The following TDRD3 variants were observed in gnomAD, a reference collection of about 807,000 sequenced individuals.
TDRD3 encodes the protein tudor domain containing 3.
TDRD3 carries 45 observed loss-of-function variants against 86.7 expected under a neutral mutation model. The observed-to-expected ratio is 0.52, with a 90% confidence interval of 0.41 to 0.67. TDRD3 has a LOEUF of 0.67. TDRD3 is among the 30% of genes least tolerant of loss of function. The pLI is 0.00. For synonymous variants in TDRD3, 298 were observed against 301.7 expected (o/e 0.99, Z 0.13); for missense variants, 814 against 889.0 (o/e 0.92, Z 1.07).
At chr13:60,558,918 T>A (rs1471028657) in intron 12 of TDRD3, among the ~76,000 whole-genome samples, 1 of 151,892 alleles carries the variant, frequency 6.6e-6, no homozygotes. Context: ...GGCAAGAACC[T>A]TTCTTCTTGC....
intron 10 of TDRD3, among the ~76,000 whole-genome samples, chr13:60,518,239 C>A (rs998783262): frequency 1.3e-5 from 2 of 152,172 alleles, no homozygotes; most frequent in Non-Finnish European, 2.9e-5. Flanking sequence ...TAAGTGCTCC[C>A]AGCCCTGGCC....
intron 6 of TDRD3, chr13:60,484,669 T>C (rs1426683311): frequency 4.5e-6 from 2 of 447,618 alleles, no homozygotes; most frequent in South Asian, 3.2e-5. Flanking sequence ...TAAAAAATAA[T>C]GTTGATTTTT....
intron 11 of TDRD3, among the ~76,000 whole-genome samples, chr13:60,534,137 C>T (rs75281609): frequency 0.05 from 7,539 of 152,044 alleles, 201 homozygotes; most frequent in Non-Finnish European, 0.058. Context: ...CTAGCAATAC[C>T]CTGTCTCTAT....
At chr13:60,473,515 C>T (rs1956114784) in intron 5 of TDRD3, among the ~76,000 whole-genome samples, 1 of 152,042 alleles carries the variant, frequency 6.6e-6, no homozygotes, top group Non-Finnish European at 1.5e-5. Flanking sequence ...CAAACTGTTC[C>T]AGCATAATAA....
chr13:60,488,441 A>G (rs575965241), intron 7 of TDRD3, among the ~76,000 whole-genome samples: 3 of 152,310 alleles, frequency 2.0e-5, no homozygotes, highest in South Asian at 4.1e-4. Flanking sequence ...AAAACTGTCT[A>G]TGGGACTATT....
At chr13:60,480,393 C>T (rs774961944) in intron 5 of TDRD3, among the ~76,000 whole-genome samples, 6 of 152,012 alleles carry the variant, frequency 3.9e-5, no homozygotes, top group Middle Eastern at 3.2e-3. Flanking sequence ...TTTTGTAAGG[C>T]CCCTTTTCTC....
chr13:60,397,268 TTTTC>T lies in TDRD3; in HGVS notation c.-93_-90del, dbSNP rs1202705601. The T allele has an allele frequency of 1.1e-4, 82 of 720,050 alleles. No individual in the cohort carries two copies. The highest frequency in any genetic ancestry group is 3.4e-4 in the South Asian group (13 of 38,048). 44.6% of individuals were successfully genotyped at this position (720,050 alleles called of 1,614,324 possible). Reference sequence around the variant, plus strand: ...CCGACCAGAGGAGTTTTTTCTTTTCTTTTCTTTTTTTTTTTTTAAGGGGGGGGGT... The same window carrying T: ...CCGACCAGAGGAGTTTTTTCTTTTCTTTTTTTTTTTTTTAAGGGGGGGGGT... On this transcript the variant is annotated 5_prime_UTR_variant, in exon 1 of 14. It introduces an in-frame stop codon into an upstream open reading frame of the 5' UTR. Coordinates refer to ENST00000377881, the MANE Select transcript of TDRD3 (RefSeq NM_001146070.2).
In TDRD3 at chr13:60,552,197, T is replaced by C. The variant is rs192901470; in HGVS notation, c.2119-15328T>C. Among the ~76,000 whole-genome samples the C allele has an allele frequency of 5.3e-5, 8 of 152,290 alleles. No homozygotes were observed. The East Asian group carries it at 1.5e-3, about 29-fold the overall frequency. ...CCCATCTGCCTTTGAGCCTGTAAAA[T>C]CAAAAGCAACTTAGTTACTTTCAAG... On this transcript the variant is annotated intron_variant, in intron 12 of 13. Transcript: ENST00000377881.
rs750703449 is a variant in TDRD3 at position 60,528,642 on chromosome 13, C to A, written c.1417C>A (p.Pro473Thr). ...WAEDRIKCDR[P>T]YSRYDRTKDT... ...TGAAGACAGAATCAAATGTGATAGA[C>A]CGTATTCTAGATATGACAGAACTAA... Residue 473 changes from proline to threonine, a missense_variant, in exon 11 of 14, where the codon CCG becomes ACG. Physicochemically the swap from Pro to Thr is conservative, Grantham distance 38 (BLOSUM62 -1). Transcript: ENST00000377881. 2 of 1,613,752 alleles carry A rather than the reference C, an allele frequency of 1.2e-6. No individual in the cohort carries two copies. Among genetic ancestry groups the A allele is most frequent in the Admixed American group, 1.7e-5 (1 of 59,974 alleles).
At chr13:60,451,584 C>T (rs1367655981) in intron 3 of TDRD3, among the ~76,000 whole-genome samples, 2 of 152,110 alleles carry the variant, frequency 1.3e-5, no homozygotes, top group Non-Finnish European at 2.9e-5. Context: ...ATTTTACCAA[C>T]ACACCTCTGC....
chr13:60,424,167 G>A (rs1594915362), intron 1 of TDRD3, among the ~76,000 whole-genome samples: 1 of 151,660 alleles, frequency 6.6e-6, no homozygotes, highest in African/African-American at 2.4e-5. Flanking sequence ...GACTACAGGC[G>A]CCCGCCACCA....
intron 8 of TDRD3, among the ~76,000 whole-genome samples, chr13:60,500,305 T>C (rs777102232): frequency 1.3e-4 from 20 of 152,282 alleles, no homozygotes; most frequent in Non-Finnish European, 2.6e-4. Flanking sequence ...GTATATGTGA[T>C]TGGGCTTGAG....
At chr13:60,500,978 C>T (rs193189786) in intron 8 of TDRD3, among the ~76,000 whole-genome samples, 40 of 152,268 alleles carry the variant, frequency 2.6e-4, no homozygotes, top group East Asian at 5.8e-4. Context: ...AGGGAGGTTA[C>T]GCTTGGGCTC....
In TDRD3 at chr13:60,494,574, T is replaced by G. The variant is rs767029888; in HGVS notation, c.857T>G (p.Leu286Arg). 1 of 1,612,050 alleles carries G rather than the reference T, an allele frequency of 6.2e-7. No homozygotes were observed. The highest frequency in any genetic ancestry group is 8.5e-7 in the Non-Finnish European group (1 of 1,179,252). ...EGKHEGVYRE[L>R]VDEKALKHIT... is the part of the protein sequence containing the mutation. ...AAACATGAAGGTGTCTATAGAGAAC[T>G]GGTAAGGCTAAAGAACTAACCACAA... Residue 286 changes from leucine to arginine, a missense_variant and splice_region_variant, in exon 8 of 14, where the codon CTG becomes CGG. Leu to Arg is a moderately radical substitution (Grantham distance 102). Transcript: ENST00000377881.
At chr13:60,554,482 G>T (rs1219609490) in intron 12 of TDRD3, among the ~76,000 whole-genome samples, 1 of 152,046 alleles carries the variant, frequency 6.6e-6, no homozygotes, top group Admixed American at 6.6e-5. Context: ...TCTTTGTCCG[G>T]AGGATCTATT....
chr13:60,538,192 T>C (rs181328671), intron 12 of TDRD3: 100 of 152,220 alleles, frequency 6.6e-4, no homozygotes, highest in African/African-American at 2.3e-3. Context: ...TATGTATTTT[T>C]ACTTCCAGAA....
chr13:60,423,564 A>C (rs1250785055), intron 1 of TDRD3, among the ~76,000 whole-genome samples: 1 of 152,242 alleles, frequency 6.6e-6, no homozygotes, highest in Admixed American at 6.5e-5. Context: ...AATAACTTCC[A>C]TAAAGTAGAA....
At chr13:60,509,424 T>C (rs1566256275) in intron 8 of TDRD3, 1 of 190,210 alleles carries the variant, frequency 5.3e-6, no homozygotes, top group African/African-American at 2.4e-5. Context: ...TCAAAAAATT[T>C]CCATTTTTTA....
chr13:60,443,755 T>C (rs2137977388), intron 2 of TDRD3, among the ~76,000 whole-genome samples: 1 of 152,104 alleles, frequency 6.6e-6, no homozygotes, highest in South Asian at 2.1e-4. Flanking sequence ...CTGTTTTCTT[T>C]TAACTTGTTC....
Sources: gnomAD v4.1 joint callset for allele counts (sites outside exome capture counted in the v4.1 genomes callset) on GRCh38, gnomAD v4.1.1 for gene constraint, MANE v1.5 for transcripts, NCBI Gene and HGNC (gene_info 2026-07-23, HGNC 2026-07-21) for gene names.